Variants in RARB observed in about 807,000 individuals in gnomAD.
The protein encoded by RARB is retinoic acid receptor beta, also known as HBV-activated protein.
A neutral mutation model predicts 51.9 loss-of-function variants in RARB; 17 were observed. The observed-to-expected ratio is 0.33, with a 90% CI of 0.22 to 0.49. The LOEUF (loss-of-function observed/expected upper bound fraction) is 0.49, where lower values mean the gene tolerates loss of function less well. RARB is among the 20% of genes least tolerant of loss of function. The pLI is 0.99. For missense variants in RARB, 369 were observed against 550.8 expected (o/e 0.67, Z 3.30); for synonymous variants, 215 against 195.4 (o/e 1.10, Z -0.84).
intron 5 of RARB, among the ~76,000 whole-genome samples, chr3:25,408,489 A>G (rs1306629936): frequency 1.3e-5 from 2 of 152,150 alleles, no homozygotes; most frequent in African/African-American, 4.8e-5. Context: ...CCACCCCTAT[A>G]ATCCAATTAC....
At chr3:25,333,454 T>A (rs542767844) in intron 5 of RARB, among the ~76,000 whole-genome samples, 23 of 152,196 alleles carry the variant, frequency 1.5e-4, no homozygotes, top group African/African-American at 4.8e-4. Flanking sequence ...TAAATGGTGC[T>A]GGGAAAACTG....
chr3:25,193,342 C>A (rs191661937), intron 5 of RARB, among the ~76,000 whole-genome samples: 26 of 152,020 alleles, frequency 1.7e-4, no homozygotes, highest in African/African-American at 6.0e-4. Flanking sequence ...TGTTCCAATG[C>A]AGAGGAAGTC....
chr3:24,877,447 A>G (rs777401875), intron 2 of RARB, among the ~76,000 whole-genome samples: 3 of 148,854 alleles, frequency 2.0e-5, no homozygotes, highest in African/African-American at 7.4e-5. Context: ...GAGTGCAGGT[A>G]TGGCTGCAAA....
intron 2 of RARB, among the ~76,000 whole-genome samples, chr3:25,490,708 TC>T (rs1253018340): frequency 1.3e-5 from 2 of 151,888 alleles, no homozygotes; most frequent in Non-Finnish European, 2.9e-5. Flanking sequence ...CATTTTTTTT[TC>T]AATAAAATAA....
At chr3:24,860,968 A>T (rs968886853) in intron 2 of RARB, among the ~76,000 whole-genome samples, 2 of 152,172 alleles carry the variant, frequency 1.3e-5, no homozygotes, top group African/African-American at 4.8e-5. Flanking sequence ...ATATTTTGTG[A>T]AACTCACACA....
chr3:25,462,887 T>C (rs143186249), intron 2 of RARB, among the ~76,000 whole-genome samples: 9 of 152,314 alleles, frequency 5.9e-5, no homozygotes, highest in Non-Finnish European at 7.3e-5. Flanking sequence ...ACATAAGGTC[T>C]CCAGAGGCTT....
At chr3:25,141,695 G>T (rs1700110473) in intron 4 of RARB, among the ~76,000 whole-genome samples, 1 of 152,048 alleles carries the variant, frequency 6.6e-6, no homozygotes, top group Non-Finnish European at 1.5e-5. Flanking sequence ...TTAAATTAGG[G>T]CTTTAAAAAT....
chr3:25,343,024 TTGTGTGTGTGTGTGTGTG>T lies in RARB; in HGVS notation c.179-118137_179-118120del, dbSNP rs6147737. Among the ~76,000 whole-genome samples, 1,203 of 132,140 alleles carry T rather than the reference TTGTGTGTGTGTGTGTGTG, an allele frequency of 9.1e-3. 7 individuals are homozygous for T. Among genetic ancestry groups the T allele is most frequent in the Non-Finnish European group, 0.014 (906 of 63,468 alleles). 86.7% of individuals were successfully genotyped at this position (132,140 alleles called of 152,430 possible). A position where few individuals can be genotyped will look rare whatever the true frequency, so the allele number is the denominator to read the frequency against. The stretch of plus-strand genomic sequence containing the variant: ...TTCCTGTTTACATTTTGCAAGTACT[TTGTGTGTGTGTGTGTGTG>T]TGTGTGTGTGTGTGTGTGTGTGTGT... On this transcript the variant is annotated intron_variant, in intron 5 of 11. Transcript: ENST00000383772.
chr3:24,901,024 G>C (rs1449884269), intron 2 of RARB, among the ~76,000 whole-genome samples: 1 of 152,126 alleles, frequency 6.6e-6, no homozygotes, highest in Non-Finnish European at 1.5e-5. Flanking sequence ...CTCATCTTTT[G>C]TGTTTTTCCC....
intron 5 of RARB, among the ~76,000 whole-genome samples, chr3:25,420,002 G>C (rs745555644): frequency 2.3e-4 from 35 of 152,164 alleles, no homozygotes; most frequent in Non-Finnish European, 4.8e-4. Context: ...TAGATGTTGA[G>C]AAGGTGGGTT....
intron 3 of RARB, among the ~76,000 whole-genome samples, chr3:25,515,730 G>A (rs1347824076): frequency 6.6e-6 from 1 of 152,284 alleles, no homozygotes; most frequent in East Asian, 1.9e-4. Flanking sequence ...ATATGATAAT[G>A]AGAAGAATGG....
Position 25,030,009 on chromosome 3 carries a change from C to T in RARB, c.-379-30116C>T, listed in dbSNP as rs370874810. Among the ~76,000 whole-genome samples, 23 of 152,272 alleles carry T rather than the reference C, an allele frequency of 1.5e-4. 1 individual carries two copies. The highest frequency in any genetic ancestry group is 8.5e-4 in the Admixed American group (13 of 15,292). Reference sequence around the variant, plus strand: ...AAATCACATCCTTCAGTTATAGTGCCGTTGGAAAGCCCTTTATTCCTCTGA... The same window carrying T: ...AAATCACATCCTTCAGTTATAGTGCTGTTGGAAAGCCCTTTATTCCTCTGA... On this transcript the variant is annotated intron_variant, in intron 2 of 11. Transcript: ENST00000383772.
intron 2 of RARB, among the ~76,000 whole-genome samples, chr3:24,999,179 T>G (rs62228472): frequency 1.3e-5 from 2 of 152,070 alleles, no homozygotes; most frequent in African/African-American, 2.4e-5. Context: ...GAAGTACTTA[T>G]GTACTTGCTG....
At chr3:24,982,895 T>G (rs1278457583) in intron 2 of RARB, among the ~76,000 whole-genome samples, 1 of 152,204 alleles carries the variant, frequency 6.6e-6, no homozygotes, top group Non-Finnish European at 1.5e-5. Context: ...ATATGTCCTA[T>G]GTCTTCATGA....
intron 6 of RARB, 74 bp from the exon 7 acceptor site, chr3:25,594,446 G>C: frequency 2.8e-6 from 4 of 1,431,656 alleles, no homozygotes; most frequent in Non-Finnish European, 2.8e-6. Flanking sequence ...ATAACAGTAG[G>C]AATAAGGAAA....
At chr3:25,354,934 C>G (rs1420734227) in intron 5 of RARB, among the ~76,000 whole-genome samples, 3 of 151,250 alleles carry the variant, frequency 2.0e-5, no homozygotes, top group African/African-American at 7.3e-5. Flanking sequence ...ACACAGAAAC[C>G]ATGAAACCAT....
chr3:25,183,588 C>T (rs566263265), intron 5 of RARB, among the ~76,000 whole-genome samples: 6 of 152,208 alleles, frequency 3.9e-5, no homozygotes, highest in South Asian at 2.1e-4. Flanking sequence ...TTTCAGTCAC[C>T]GAGGGATTAT....
At chr3:24,957,382 G>C (rs548078702) in intron 2 of RARB, among the ~76,000 whole-genome samples, 3 of 152,216 alleles carry the variant, frequency 2.0e-5, no homozygotes, top group Admixed American at 2.0e-4. Flanking sequence ...ATATTATTGA[G>C]GGGTCTTACT....
At chr3:24,972,907 T>C (rs1041545584) in intron 2 of RARB, among the ~76,000 whole-genome samples, 1 of 152,088 alleles carries the variant, frequency 6.6e-6, no homozygotes, top group Non-Finnish European at 1.5e-5. Context: ...TTTGCAAATA[T>C]TTTCTCTCAT....
Sources: allele counts gnomAD v4.1 joint callset (sites outside exome capture counted in the v4.1 genomes callset), GRCh38; gene constraint gnomAD v4.1.1; transcripts MANE v1.5; gene names NCBI Gene and HGNC (gene_info 2026-07-23, HGNC 2026-07-21).